The following TMEM132C variants were observed in gnomAD, a reference collection of about 807,000 sequenced individuals.
The protein encoded by TMEM132C is transmembrane protein 132C, also known as protein phosphatase 1, regulatory subunit 152.
A neutral mutation model predicts 61.4 loss-of-function variants in TMEM132C; 29 were observed. The ratio of observed to expected loss-of-function variants is 0.47; its 90% CI spans 0.35 to 0.64. The LOEUF is 0.64. TMEM132C is among the 30% of genes least tolerant of loss of function. The pLI is 0.00. For missense variants in TMEM132C, 1,408 were observed against 1,476.9 expected, an observed-to-expected ratio of 0.95 and a Z score of 0.76; for synonymous variants, 656 against 633.1, an observed-to-expected ratio of 1.04 and a Z score of -0.54.
chr12:128,459,532 A>G (rs1157704725), intron 2 of TMEM132C, among the ~76,000 whole-genome samples: 3 of 152,122 alleles, frequency 2.0e-5, no homozygotes, highest in African/African-American at 4.8e-5. Flanking sequence ...CTCCTGGATG[A>G]TAGTGGTGTC....
At chr12:128,290,389 C>A (rs1871211558) in intron 1 of TMEM132C, among the ~76,000 whole-genome samples, 1 of 125,526 alleles carries the variant, frequency 8.0e-6, no homozygotes. Flanking sequence ...TATCAGATCT[C>A]ATGAGAACTC....
At chr12:128,574,451 G>T (rs1169641985) in intron 3 of TMEM132C, among the ~76,000 whole-genome samples, 1 of 152,184 alleles carries the variant, frequency 6.6e-6, no homozygotes, top group African/African-American at 2.4e-5. Flanking sequence ...GGAAACCAAG[G>T]CTGGAGCAGG....
intron 2 of TMEM132C, among the ~76,000 whole-genome samples, chr12:128,424,281 T>G (rs1407793973): frequency 2.6e-5 from 4 of 152,250 alleles, no homozygotes; most frequent in Non-Finnish European, 2.9e-5. Flanking sequence ...AATGTTCACA[T>G]CAGCTTTCCT....
At chr12:128,466,058 A>G (rs1474027871) in intron 2 of TMEM132C, among the ~76,000 whole-genome samples, 1 of 152,262 alleles carries the variant, frequency 6.6e-6, no homozygotes, top group Non-Finnish European at 1.5e-5. Flanking sequence ...AAACCCATAT[A>G]GAACCATATA....
At chr12:128,470,420 A>G (rs947550604) in intron 2 of TMEM132C, among the ~76,000 whole-genome samples, 1 of 152,012 alleles carries the variant, frequency 6.6e-6, no homozygotes, top group Non-Finnish European at 1.5e-5. Flanking sequence ...GAATCTTTTC[A>G]TCCTTGCTAA....
intron 2 of TMEM132C, among the ~76,000 whole-genome samples, chr12:128,466,373 A>C (rs1258896358): frequency 6.6e-6 from 1 of 152,244 alleles, no homozygotes; most frequent in African/African-American, 2.4e-5. Flanking sequence ...TATAAAATTT[A>C]CATTTTACCA....
chr12:128,369,870 C>T (rs1022088519), intron 1 of TMEM132C, among the ~76,000 whole-genome samples: 14 of 152,182 alleles, frequency 9.2e-5, no homozygotes, highest in Non-Finnish European at 2.1e-4. Context: ...TTTGGAGACC[C>T]TCATATATGA....
At chr12:128,655,045 G>T (rs978268397) in intron 4 of TMEM132C, among the ~76,000 whole-genome samples, 14 of 152,136 alleles carry the variant, frequency 9.2e-5, no homozygotes, top group African/African-American at 3.4e-4. Flanking sequence ...CATCAGCAAC[G>T]CATTTTACTT....
chr12:128,654,532 C>T (rs1182405683), intron 4 of TMEM132C, among the ~76,000 whole-genome samples: 1 of 152,216 alleles, frequency 6.6e-6, no homozygotes. Flanking sequence ...ACATCAATTA[C>T]TGTTATTATC....
intron 1 of TMEM132C, among the ~76,000 whole-genome samples, chr12:128,292,746 G>A (rs902804540): frequency 6.6e-6 from 1 of 152,032 alleles, no homozygotes; most frequent in Non-Finnish European, 1.5e-5. Context: ...TAGTACCTAG[G>A]TACCCTAGTA....
chr12:128,616,105 C>T, intron 3 of TMEM132C, 47 bp from the exon 4 acceptor site: 1 of 1,535,740 alleles, frequency 6.5e-7, no homozygotes. Flanking sequence ...AGAGAAGGGT[C>T]CTTTGAACAA....
At chr12:128,526,311 C>G (rs1424035046) in intron 2 of TMEM132C, among the ~76,000 whole-genome samples, 1 of 152,190 alleles carries the variant, frequency 6.6e-6, no homozygotes, top group Non-Finnish European at 1.5e-5. Flanking sequence ...GATCAAGCCA[C>G]CTGCAGCTTT....
rs1216338971 is a variant in TMEM132C at position 128,611,019 on chromosome 12, GA to G, written c.1122-5130del. Among the ~76,000 whole-genome samples, 6 of 152,298 alleles carry G rather than the reference GA, an allele frequency of 3.9e-5. No homozygotes were observed. The East Asian group carries it at 7.7e-4, about 20-fold the overall frequency. ...CGATGTCAAGTCCTGCTAAAAACAA[GA>G]AACAGCTTCCATTTATTGATGCTTG... On this transcript the variant is annotated intron_variant, in intron 3 of 8. Transcript: ENST00000435159.
intron 2 of TMEM132C, among the ~76,000 whole-genome samples, chr12:128,515,557 G>A (rs536258045): frequency 1.2e-4 from 18 of 152,308 alleles, no homozygotes; most frequent in Admixed American, 7.2e-4. Context: ...TCTTTGGCTC[G>A]GCACAGTGGC....
chr12:128,272,280 C>T (rs1282333467), intron 1 of TMEM132C, among the ~76,000 whole-genome samples: 2 of 142,564 alleles, frequency 1.4e-5, no homozygotes, highest in African/African-American at 3.0e-5. Flanking sequence ...CAGGATCATG[C>T]AGTATGCAGC....
chr12:128,488,932 G>A (rs61940041), intron 2 of TMEM132C, among the ~76,000 whole-genome samples: 18,000 of 151,938 alleles, frequency 0.12, 1,343 homozygotes, highest in Non-Finnish European at 0.16. Context: ...AGTGCTGTTC[G>A]TCCCACCCAG....
intron 3 of TMEM132C, among the ~76,000 whole-genome samples, chr12:128,578,593 TTG>T (rs1412128051): frequency 1.2e-4 from 18 of 148,722 alleles, no homozygotes; most frequent in African/African-American, 4.6e-4. Context: ...GAGGTTTTTG[TTG>T]TTGTTGTTGT....
chr12:128,666,873 A>G (rs999529284), intron 4 of TMEM132C, among the ~76,000 whole-genome samples: 1 of 152,238 alleles, frequency 6.6e-6, no homozygotes, highest in Non-Finnish European at 1.5e-5. Context: ...GATCGAGACC[A>G]TCCTGGCTAA....
At chr12:128,317,098 T>A (rs2135931406) in intron 1 of TMEM132C, among the ~76,000 whole-genome samples, 1 of 152,336 alleles carries the variant, frequency 6.6e-6, no homozygotes, top group South Asian at 2.1e-4. Flanking sequence ...CATGTGGGAC[T>A]TTTTGGCTGC....
Sources: gnomAD v4.1 joint callset for allele counts (sites outside exome capture counted in the v4.1 genomes callset) on GRCh38, gnomAD v4.1.1 for gene constraint, MANE v1.5 for transcripts, NCBI Gene and HGNC (gene_info 2026-07-23, HGNC 2026-07-21) for gene names.